H2BC9: variants seen among roughly 807,000 people sequenced by gnomAD.
The protein encoded by H2BC9 is histone H2B type 1-H.
In H2BC9, 11 loss-of-function variants were observed where a neutral mutation model predicts 5.8. The ratio of observed to expected loss-of-function variants is 1.89; its 90% confidence interval spans 1.19 to 3.12. H2BC9 has a LOEUF of 3.12. Ranked by LOEUF, H2BC9 falls within the 30% of genes most tolerant of loss-of-function variation. H2BC9 has a pLI of 0.00. For missense variants in H2BC9, 219 were observed against 167.8 expected (o/e 1.30, Z -1.68); for synonymous variants, 136 against 72.2 (o/e 1.88, Z -4.48).
rs775679677 is a variant in H2BC9 at position 26,251,973 on chromosome 6, C to T, written c.323C>T (p.Ala108Val). ...CGCCTGCTGCTGCCTGGGGAACTGG[C>T]CAAGCACGCCGTGTCCGAGGGCACT... ...AVRLLLPGEL[A>V]KHAVSEGTKA... Residue 108 changes from alanine to valine, a missense_variant, in exon 1 of 1, where the codon GCC becomes GTC. Transcript: ENST00000619466. The T allele has an allele frequency of 6.2e-7, 1 of 1,614,120 alleles. No individual in the cohort carries two copies. The highest frequency in any genetic ancestry group is 1.3e-5 in the African/African-American group (1 of 74,942).
rs1198240227 is a variant in H2BC9, at chr6:26,251,800, C to T, written c.150C>T (p.His50=). The part of the protein sequence containing the change: ...VYVYKVLKQV[H]PDTGISSKAM... ...TTTACAAGGTGCTGAAGCAAGTCCA[C>T]CCCGACACCGGCATCTCCTCCAAAG... Residue 50 remains histidine (H), a synonymous_variant, in exon 1 of 1, where the codon CAC becomes CAT. Transcript: ENST00000619466. 3 of 1,614,098 alleles carry T rather than the reference C, an allele frequency of 1.9e-6. No homozygotes were observed. The highest frequency in any genetic ancestry group is 3.3e-5 in the Admixed American group (2 of 60,004).
Position 26,252,062 on chromosome 6 carries a change from T to C in H2BC9, c.*31T>C. 6.2e-7 allele frequency: 1 copy of C among 1,612,960 alleles called. No homozygotes were observed. Among genetic ancestry groups the C allele is most frequent in the Non-Finnish European group, 8.5e-7 (1 of 1,179,722 alleles). ...CGCATGTTCAAACCCAAAGGCTCTTTTCAGAGCCACTTAATGATTTCAATT... is the reference window on the plus strand; with the variant it reads ...CGCATGTTCAAACCCAAAGGCTCTTCTCAGAGCCACTTAATGATTTCAATT... On this transcript the variant is annotated 3_prime_UTR_variant, in exon 1 of 1. Transcript: ENST00000619466.
In H2BC9 at chr6:26,251,841, A is replaced by C; in HGVS notation, c.191A>C (p.Asn64Thr). Residue 64 changes from asparagine to threonine, a missense_variant, in exon 1 of 1, where the codon AAT (asparagine) becomes ACT (threonine). Asn to Thr is a moderately conservative substitution (Grantham distance 65, BLOSUM62 0). Coordinates refer to ENST00000619466, the MANE Select transcript of H2BC9 (RefSeq NM_003524.3). ...TCCTCCAAAGCCATGGGGATCATGA[A>C]TTCCTTTGTCAACGATATCTTCGAG... Reference protein sequence around the residue: ...GISSKAMGIMNSFVNDIFERI... With the variant: ...GISSKAMGIMTSFVNDIFERI... 1 of 1,614,200 alleles carries C rather than the reference A, an allele frequency of 6.2e-7. No individual in the cohort carries two copies. Among genetic ancestry groups the C allele is most frequent in the Non-Finnish European group, 8.5e-7 (1 of 1,180,026 alleles).
At position 26,251,750 on chromosome 6, in the gene H2BC9, C is replaced by T. The variant is rs1486174755; in HGVS notation, c.100C>T (p.Arg34Cys). 1 of 1,614,062 alleles carries T rather than the reference C, an allele frequency of 6.2e-7. No homozygotes were observed. The highest frequency in any genetic ancestry group is 8.5e-7 in the Non-Finnish European group (1 of 1,180,058). ...KKDGKKRKRS[R>C]KESYSVYVYK... ...GGATGGCAAGAAGCGTAAACGCAGC[C>T]GCAAGGAGAGCTACTCCGTATACGT... Residue 34 changes from arginine to cysteine, a missense_variant, in exon 1 of 1, where the codon CGC (arginine) becomes TGC (cysteine). Coordinates refer to ENST00000619466, the MANE Select transcript of H2BC9 (RefSeq NM_003524.3).
At position 26,251,748 on chromosome 6, in the gene H2BC9, GC is replaced by G. The variant is rs1760078331; in HGVS notation, c.100del (p.Arg34AlafsTer13). ...QKKDGKKRKR[S>X]RKESYSVYVY... is the part of the protein sequence containing the mutation. ...AAGGATGGCAAGAAGCGTAAACGCA[GC>G]CGCAAGGAGAGCTACTCCGTATACG... On this transcript the variant is annotated frameshift_variant, in exon 1 of 1. Coordinates refer to ENST00000619466, the MANE Select transcript of H2BC9 (RefSeq NM_003524.3). LOFTEE classifies it high-confidence loss of function. 6.2e-7 allele frequency: 1 copy of G among 1,614,108 alleles called. No individual in the cohort carries two copies. Among genetic ancestry groups the G allele is most frequent in the South Asian group, 1.1e-5 (1 of 91,088 alleles).
chr6:26,251,874 C>T lies in H2BC9; in HGVS notation c.224C>T (p.Ala75Val). 1 of 1,614,200 alleles carries T rather than the reference C, an allele frequency of 6.2e-7. No individual in the cohort carries two copies. Among genetic ancestry groups the T allele is most frequent in the Non-Finnish European group, 8.5e-7 (1 of 1,180,042 alleles). The change falls in exon 1 of 1, where the codon GCC becomes GTC. Residue 75 changes from alanine (A) to valine (V), a missense_variant. By Grantham distance (64) the Ala-to-Val change is moderately conservative. Transcript: ENST00000619466. The stretch of plus-strand genomic sequence containing the variant: ...GTCAACGATATCTTCGAGCGCATCG[C>T]CGGCGAGGCTTCCCGCCTGGCTCAT... ...SFVNDIFERI[A>V]GEASRLAHYN...
chr6:26,252,024 C>G lies in H2BC9; in HGVS notation c.374C>G (p.Ser125Cys), dbSNP rs1352348146. ...GTKAVTKYTS[S>C]K ...AAGGCCGTCACCAAGTACACCAGCT[C>G]CAAATAAATGGACGCATGTTCAAAC... The change falls in exon 1 of 1, where the codon TCC becomes TGC. Residue 125 changes from serine (S) to cysteine (C), a missense_variant. Coordinates refer to ENST00000619466, the MANE Select transcript of H2BC9 (RefSeq NM_003524.3). 6 of 1,614,052 alleles carry G rather than the reference C, an allele frequency of 3.7e-6. No individual in the cohort carries two copies. Among genetic ancestry groups the G allele is most frequent in the African/African-American group, 1.3e-5 (1 of 74,920 alleles).
Position 26,251,821 on chromosome 6 carries a change from CAAA to C in H2BC9, c.172_174del (p.Lys58del). Reference sequence around the variant, plus strand: ...TCCACCCCGACACCGGCATCTCCTCCAAAGCCATGGGGATCATGAATTCCTTTG... The same window carrying C: ...TCCACCCCGACACCGGCATCTCCTCCGCCATGGGGATCATGAATTCCTTTG... On this transcript the variant is annotated inframe_deletion, in exon 1 of 1. Coordinates refer to ENST00000619466, the MANE Select transcript of H2BC9 (RefSeq NM_003524.3). 6.2e-7 allele frequency: 1 copy of C among 1,614,236 alleles called. No individual in the cohort carries two copies. Among genetic ancestry groups the C allele is most frequent in the African/African-American group, 1.3e-5 (1 of 75,062 alleles).
Position 26,251,908 on chromosome 6 carries a change from G to A in H2BC9, c.258G>A (p.Lys86=), listed in dbSNP as rs774087359. ...GEASRLAHYN[K]RSTITSREIQ... Reference sequence around the variant, plus strand: ...CTTCCCGCCTGGCTCATTACAACAAGCGTTCGACCATCACCTCCAGGGAGA... The same window carrying A: ...CTTCCCGCCTGGCTCATTACAACAAACGTTCGACCATCACCTCCAGGGAGA... The change falls in exon 1 of 1, where the codon AAG becomes AAA. Residue 86 remains lysine, a synonymous_variant. Transcript: ENST00000619466. 10 of 1,614,198 alleles carry A rather than the reference G, an allele frequency of 6.2e-6. No individual in the cohort carries two copies. Among genetic ancestry groups the A allele is most frequent in the Admixed American group, 3.3e-5 (2 of 60,026 alleles).
Position 26,252,064 on chromosome 6 carries a change from C to A in H2BC9, c.*33C>A. 1 of 1,612,984 alleles carries A rather than the reference C, an allele frequency of 6.2e-7. No homozygotes were observed. The highest frequency in any genetic ancestry group is 8.5e-7 in the Non-Finnish European group (1 of 1,179,712). ...CATGTTCAAACCCAAAGGCTCTTTT[C>A]AGAGCCACTTAATGATTTCAATTAA... On this transcript the variant is annotated 3_prime_UTR_variant, in exon 1 of 1. Transcript: ENST00000619466.
rs1489552386 is a variant in H2BC9 at position 26,251,682 on chromosome 6, C to T, written c.32C>T (p.Pro11Leu). The T allele has an allele frequency of 1.2e-6, 2 of 1,614,108 alleles. No individual in the cohort carries two copies. The highest frequency in any genetic ancestry group is 1.6e-4 in the Middle Eastern group (1 of 6,062). ...GATCCAGCTAAGTCCGCTCCCGCCC[C>T]GAAGAAGGGCTCCAAGAAGGCGGTG... MPDPAKSAPA[P>L]KKGSKKAVTK... Residue 11 changes from proline (P) to leucine (L), a missense_variant, in exon 1 of 1, where the codon CCG becomes CTG. Physicochemically the swap from Pro to Leu is moderately conservative, Grantham distance 98 (BLOSUM62 -3). Coordinates refer to ENST00000619466, the MANE Select transcript of H2BC9 (RefSeq NM_003524.3).
rs1055471278 is a variant in H2BC9, at chr6:26,251,838, T to C, written c.188T>C (p.Met63Thr). The change falls in exon 1 of 1, where the codon ATG (methionine) becomes ACG (threonine). Residue 63 changes from methionine (M) to threonine (T), a missense_variant. Coordinates refer to ENST00000619466, the MANE Select transcript of H2BC9 (RefSeq NM_003524.3). ...TGISSKAMGI[M>T]NSFVNDIFER... ...ATCTCCTCCAAAGCCATGGGGATCA[T>C]GAATTCCTTTGTCAACGATATCTTC... 3 of 1,614,126 alleles carry C rather than the reference T, an allele frequency of 1.9e-6. No homozygotes were observed. The African/African-American group carries it at 4.0e-5, about 22-fold the overall frequency.
Position 26,251,786 on chromosome 6 carries a change from C to T in H2BC9, c.136C>T (p.Leu46=), listed in dbSNP as rs746724845. 48 of 1,614,128 alleles carry T rather than the reference C, an allele frequency of 3.0e-5. No individual in the cohort carries two copies. In the South Asian group the frequency reaches 4.6e-4, roughly 16 times the overall value. ...CTACTCCGTATACGTTTACAAGGTG[C>T]TGAAGCAAGTCCACCCCGACACCGG... is the stretch of plus-strand genomic sequence containing the variant. ...ESYSVYVYKV[L]KQVHPDTGIS... is the part of the protein sequence containing the mutation. The change falls in exon 1 of 1, where the codon CTG becomes TTG. Residue 46 remains leucine (L), a synonymous_variant. Transcript: ENST00000619466.
In H2BC9 at chr6:26,251,971, G is replaced by A. The variant is rs1193921441; in HGVS notation, c.321G>A (p.Leu107=). 2 of 1,614,238 alleles carry A rather than the reference G, an allele frequency of 1.2e-6. No homozygotes were observed. Among genetic ancestry groups the A allele is most frequent in the Admixed American group, 1.7e-5 (1 of 60,030 alleles). The change falls in exon 1 of 1, where the codon CTG becomes CTA. Residue 107 remains leucine (L), a synonymous_variant. Transcript: ENST00000619466. The part of the protein sequence containing the change: ...TAVRLLLPGE[L]AKHAVSEGTK... ...TGCGCCTGCTGCTGCCTGGGGAACTGGCCAAGCACGCCGTGTCCGAGGGCA... is the reference window on the plus strand; with the variant it reads ...TGCGCCTGCTGCTGCCTGGGGAACTAGCCAAGCACGCCGTGTCCGAGGGCA...
Position 26,251,722 on chromosome 6 carries a change from G to T in H2BC9, c.72G>T (p.Lys24Asn). Residue 24 changes from lysine (K) to asparagine (N), a missense_variant, in exon 1 of 1, where the codon AAG becomes AAT. By Grantham distance (94) the Lys-to-Asn change is moderately conservative (BLOSUM62 0). Transcript: ENST00000619466. ...GSKKAVTKAQ[K>N]KDGKKRKRSR... The stretch of plus-strand genomic sequence containing the variant: ...AGAAGGCGGTGACCAAGGCGCAGAA[G>T]AAGGATGGCAAGAAGCGTAAACGCA... 6.2e-7 allele frequency: 1 copy of T among 1,614,224 alleles called. No homozygotes were observed. The highest frequency in any genetic ancestry group is 8.5e-7 in the Non-Finnish European group (1 of 1,180,040).
Position 26,251,882 on chromosome 6 carries a change from G to T in H2BC9, c.232G>T (p.Ala78Ser). The T allele has an allele frequency of 1.9e-6, 3 of 1,614,208 alleles. No individual in the cohort carries two copies. Among genetic ancestry groups the T allele is most frequent in the Non-Finnish European group, 2.5e-6 (3 of 1,180,044 alleles). ...TATCTTCGAGCGCATCGCCGGCGAG[G>T]CTTCCCGCCTGGCTCATTACAACAA... ...NDIFERIAGE[A>S]SRLAHYNKRS... Residue 78 changes from alanine to serine, a missense_variant, in exon 1 of 1, where the codon GCT (alanine) becomes TCT (serine). Ala to Ser is a moderately conservative substitution (Grantham distance 99, BLOSUM62 1). Coordinates refer to ENST00000619466, the MANE Select transcript of H2BC9 (RefSeq NM_003524.3).
rs202060919 is a variant in H2BC9, at chr6:26,251,668, G to A, written c.18G>A (p.Lys6=). 5 of 1,613,938 alleles carry A rather than the reference G, an allele frequency of 3.1e-6. No individual in the cohort carries two copies. Among genetic ancestry groups the A allele is most frequent in the Non-Finnish European group, 4.2e-6 (5 of 1,180,034 alleles). Residue 6 remains lysine, a synonymous_variant, in exon 1 of 1, where the codon AAG becomes AAA. Coordinates refer to ENST00000619466, the MANE Select transcript of H2BC9 (RefSeq NM_003524.3). MPDPA[K]SAPAPKKGSK... is the part of the protein sequence containing the mutation. The stretch of plus-strand genomic sequence containing the variant: ...TTGTTGCAATGCCTGATCCAGCTAA[G>A]TCCGCTCCCGCCCCGAAGAAGGGCT...
Position 26,251,818 on chromosome 6 carries a change from C to T in H2BC9, c.168C>T (p.Ser56=), listed in dbSNP as rs367662724. 11 of 1,614,218 alleles carry T rather than the reference C, an allele frequency of 6.8e-6. No individual in the cohort carries two copies. The highest frequency in any genetic ancestry group is 9.3e-6 in the Non-Finnish European group (11 of 1,180,036). ...AAGTCCACCCCGACACCGGCATCTC[C>T]TCCAAAGCCATGGGGATCATGAATT... ...LKQVHPDTGI[S]SKAMGIMNSF... Residue 56 remains serine, a synonymous_variant, in exon 1 of 1, where the codon TCC becomes TCT. Coordinates refer to ENST00000619466, the MANE Select transcript of H2BC9 (RefSeq NM_003524.3).
rs752220762 is a variant in H2BC9 at position 26,252,059 on chromosome 6, C to T, written c.*28C>T. On this transcript the variant is annotated 3_prime_UTR_variant, in exon 1 of 1. Coordinates refer to ENST00000619466, the MANE Select transcript of H2BC9 (RefSeq NM_003524.3). ...GGACGCATGTTCAAACCCAAAGGCT[C>T]TTTTCAGAGCCACTTAATGATTTCA... is the stretch of plus-strand genomic sequence containing the variant. 22 of 1,612,934 alleles carry T rather than the reference C, an allele frequency of 1.4e-5. No individual in the cohort carries two copies. Among genetic ancestry groups the T allele is most frequent in the Middle Eastern group, 3.3e-4 (2 of 6,082 alleles).
Sources: allele counts gnomAD v4.1 joint callset, GRCh38; gene constraint gnomAD v4.1.1; transcripts MANE v1.5; gene names NCBI Gene and HGNC (gene_info 2026-07-23, HGNC 2026-07-21).